The following OR2J2 variants were observed in gnomAD, a reference collection of about 807,000 sequenced individuals.
OR2J2 encodes olfactory receptor 2J2.
A neutral mutation model predicts 16.9 loss-of-function variants in OR2J2; 13 were observed. The ratio of observed to expected loss-of-function variants is 0.77; its 90% CI spans 0.50 to 1.23. The LOEUF (loss-of-function observed/expected upper bound fraction) is 1.23. OR2J2 is among the 50% of genes most tolerant of loss of function. The pLI, the probability that OR2J2 is intolerant of heterozygous loss-of-function variation, is 0.00. For synonymous variants in OR2J2, 125 were observed against 141.2 expected (o/e 0.89, Z 0.81); for missense variants, 341 against 379.1 (o/e 0.90, Z 0.84).
Position 29,174,213 on chromosome 6 carries a change from C to T in OR2J2, c.578C>T (p.Thr193Ile), listed in dbSNP as rs1349396861. The part of the protein sequence containing the change: ...PALLRLSCVD[T>I]HANELTLMVM... ...CTTCTGCGTTTATCATGTGTTGACA[C>T]CCATGCAAATGAGCTGACCCTCATG... is the stretch of plus-strand genomic sequence containing the variant. Residue 193 changes from threonine to isoleucine, a missense_variant, in exon 2 of 2, where the codon ACC (threonine) becomes ATC (isoleucine). Transcript: ENST00000641417. 1.2e-6 allele frequency: 2 copies of T among 1,613,676 alleles called. No individual in the cohort carries two copies. Among genetic ancestry groups the T allele is most frequent in the Admixed American group, 3.3e-5 (2 of 59,904 alleles).
At position 29,174,526 on chromosome 6, in the gene OR2J2, T is replaced by A; in HGVS notation, c.891T>A (p.His297Gln). 1 of 1,613,600 alleles carries A rather than the reference T, an allele frequency of 6.2e-7. No individual in the cohort carries two copies. The highest frequency in any genetic ancestry group is 1.3e-5 in the African/African-American group (1 of 74,962). Reference sequence around the variant, plus strand: ...TAATCTACACTCTCAGAAACAAGCATGTAAAAGGGGCAGCGAAGAGACTAT... The same window carrying A: ...TAATCTACACTCTCAGAAACAAGCAAGTAAAAGGGGCAGCGAAGAGACTAT... ...NPLIYTLRNK[H>Q]VKGAAKRLLG... is the part of the protein sequence containing the mutation. The change falls in exon 2 of 2, where the codon CAT becomes CAA. Residue 297 changes from histidine to glutamine, a missense_variant. By Grantham distance (24) the His-to-Gln change is conservative. Transcript: ENST00000641417.
rs1765774847 is a variant in OR2J2 at position 29,175,112 on chromosome 6, C to T, written c.*538C>T. 1 of 152,362 alleles carries T rather than the reference C, an allele frequency of 6.6e-6. No individual in the cohort carries two copies. Among genetic ancestry groups the T allele is most frequent in the Admixed American group, 6.6e-5 (1 of 15,266 alleles). The allele number at this position is 152,362 out of a possible 1,614,324, so 9.4% of individuals were successfully genotyped here. ...GGTTGAAAGACACTTTTTAAAGACACTAAATTATCTAATTTATCCTGTAGG... is the reference window on the plus strand; with the variant it reads ...GGTTGAAAGACACTTTTTAAAGACATTAAATTATCTAATTTATCCTGTAGG... On this transcript the variant is annotated 3_prime_UTR_variant, in exon 2 of 2. Transcript: ENST00000641417.
chr6:29,171,456 A>T (rs1765480733), intron 1 of OR2J2, among the ~76,000 whole-genome samples: 1 of 152,014 alleles, frequency 6.6e-6, no homozygotes, highest in Non-Finnish European at 1.5e-5. Flanking sequence ...TATTTGATTT[A>T]AAAAAAGAGA....
chr6:29,171,295 C>T (rs1765471210), intron 1 of OR2J2, among the ~76,000 whole-genome samples, 190 bp downstream of exon 1: 4 of 151,742 alleles, frequency 2.6e-5, no homozygotes, highest in Admixed American at 2.0e-4. Context: ...CAGTGTACTC[C>T]ATAAATATAT....
chr6:29,173,981 C>G lies in OR2J2; in HGVS notation c.346C>G (p.Leu116Val). The G allele has an allele frequency of 6.2e-7, 1 of 1,612,494 alleles. No individual in the cohort carries two copies. The highest frequency in any genetic ancestry group is 8.5e-7 in the Non-Finnish European group (1 of 1,179,632). ...ACTGGGAATCACAGAGTGTGTCCTA[C>G]TGGTGGTGATGTCATATGATCGTTA... ...LALGITECVLLVVMSYDRYVA... is the reference protein window; with the variant it reads ...LALGITECVLVVVMSYDRYVA... Residue 116 changes from leucine to valine, a missense_variant, in exon 2 of 2, where the codon CTG becomes GTG. Coordinates refer to ENST00000641417, the MANE Select transcript of OR2J2 (RefSeq NM_030905.3).
In OR2J2 at chr6:29,174,287, A is replaced by C. The variant is rs3130743; in HGVS notation, c.652A>C (p.Thr218Pro). 6 of 1,612,786 alleles carry C rather than the reference A, an allele frequency of 3.7e-6. No individual in the cohort carries two copies. The East Asian group carries it at 1.1e-4, about 30-fold the overall frequency. The change falls in exon 2 of 2, where the codon ACC (threonine) becomes CCC (proline). Residue 218 changes from threonine to proline, a missense_variant. Thr to Pro is a conservative substitution (Grantham distance 38). Coordinates refer to ENST00000641417, the MANE Select transcript of OR2J2 (RefSeq NM_030905.3). Reference sequence around the variant, plus strand: ...CATACCTCTCATTCTCATTCTCACTACCTATGGTGCCATTGCCCGGGCTGT... The same window carrying C: ...CATACCTCTCATTCTCATTCTCACTCCCTATGGTGCCATTGCCCGGGCTGT... ...VLIPLILILT[T>P]YGAIARAVLS...
At position 29,174,448 on chromosome 6, in the gene OR2J2, G is replaced by A. The variant is rs1158451806; in HGVS notation, c.813G>A (p.Gln271=). 2 of 1,613,934 alleles carry A rather than the reference G, an allele frequency of 1.2e-6. No homozygotes were observed. Among genetic ancestry groups the A allele is most frequent in the South Asian group, 1.1e-5 (1 of 91,082 alleles). ...LQPPSENSPD[Q]GKFIALFYTV... ...CACCATCAGAAAATTCTCCTGATCA[G>A]GGCAAGTTCATTGCCCTCTTTTATA... The change falls in exon 2 of 2, where the codon CAG becomes CAA. Residue 271 remains glutamine, a synonymous_variant. Coordinates refer to ENST00000641417, the MANE Select transcript of OR2J2 (RefSeq NM_030905.3).
At chr6:29,172,657 ATTAG>A (rs1229915431) in intron 1 of OR2J2, among the ~76,000 whole-genome samples, 1 of 152,156 alleles carries the variant, frequency 6.6e-6, no homozygotes, top group Non-Finnish European at 1.5e-5. Context: ...TTCTACTAAT[ATTAG>A]TTAATGTCTG....
intron 1 of OR2J2, among the ~76,000 whole-genome samples, chr6:29,172,121 C>T (rs1765525094): frequency 2.0e-5 from 3 of 152,070 alleles, no homozygotes; most frequent in Admixed American, 6.6e-5. Context: ...GGCATGATCT[C>T]AGCTCACTGC....
intron 1 of OR2J2, among the ~76,000 whole-genome samples, chr6:29,172,729 A>C (rs1765569278): frequency 6.6e-6 from 1 of 152,156 alleles, no homozygotes; most frequent in Non-Finnish European, 1.5e-5. Context: ...ATAAATTGTG[A>C]CTCAGAATTT....
At position 29,171,049 on chromosome 6, in the gene OR2J2, C is replaced by A. The variant is rs1765457201; in HGVS notation, c.-74C>A. 6.6e-6 allele frequency: 1 copy of A among 151,950 alleles called. No individual in the cohort carries two copies. 9.4% of individuals were successfully genotyped at this position (151,950 alleles called of 1,614,324 possible). ...AGAGAGCCCCTTCATCAGTTTATAC[C>A]TGATGAGGTTGTAGGCCAGGTAGAG... On this transcript the variant is annotated 5_prime_UTR_variant, in exon 1 of 2. In the 5' UTR this introduces an upstream ATG that the reference lacks. Coordinates refer to ENST00000641417, the MANE Select transcript of OR2J2 (RefSeq NM_030905.3).
At chr6:29,172,753 G>T (rs1466893048) in intron 1 of OR2J2, among the ~76,000 whole-genome samples, 1 of 152,108 alleles carries the variant, frequency 6.6e-6, no homozygotes, top group Non-Finnish European at 1.5e-5. Context: ...GTATAGTTCA[G>T]TTATTGGCCT....
In OR2J2 at chr6:29,174,382, ATC is replaced by A. The variant is rs1189393250; in HGVS notation, c.753_754del (p.Phe253HisfsTer17). 6.2e-7 allele frequency: 1 copy of A among 1,613,768 alleles called. No individual in the cohort carries two copies. The highest frequency in any genetic ancestry group is 8.5e-7 in the Non-Finnish European group (1 of 1,179,974). ...RTCGAHLMVVSLFFIPVMCMY... is the reference protein window; with the variant it reads ...RTCGAHLMVVXLFFIPVMCMY... ...CATGTGGAGCCCATCTTATGGTTGT[ATC>A]TCTCTTTTTCATTCCAGTCATGTGC... On this transcript the variant is annotated frameshift_variant, in exon 2 of 2. Transcript: ENST00000641417. LOFTEE classifies it high-confidence loss of function.
In OR2J2 at chr6:29,174,024, CT is replaced by C; in HGVS notation, c.392del (p.Leu131CysfsTer21). 6.2e-7 allele frequency: 1 copy of C among 1,613,062 alleles called. No homozygotes were observed. Among genetic ancestry groups the C allele is most frequent in the Non-Finnish European group, 8.5e-7 (1 of 1,179,724 alleles). On this transcript the variant is annotated frameshift_variant, in exon 2 of 2. Coordinates refer to ENST00000641417, the MANE Select transcript of OR2J2 (RefSeq NM_030905.3). LOFTEE classifies it high-confidence loss of function. ...SYDRYVAVCR[P>X]LHYTVLMHPR... ...GATCGTTATGTAGCTGTGTGTAGAC[CT>C]TTGCATTACACTGTCCTCATGCACC...
chr6:29,173,358 T>C, intron 1 of OR2J2: 1 of 347,462 alleles, frequency 2.9e-6, no homozygotes, highest in Non-Finnish European at 5.1e-6. Flanking sequence ...GTGTTCCTGA[T>C]TATGGACTAT....
Position 29,174,612 on chromosome 6 carries a change from A to G in OR2J2, c.*38A>G. 1 of 1,514,722 alleles carries G rather than the reference A, an allele frequency of 6.6e-7. No homozygotes were observed. Among genetic ancestry groups the G allele is most frequent in the Non-Finnish European group, 8.9e-7 (1 of 1,122,826 alleles). The allele number at this position is 1,514,722 out of a possible 1,614,324, so 93.8% of individuals were successfully genotyped here. Reference sequence around the variant, plus strand: ...GTTGTCTGTTGTCATTGTTTTTCCTAGGGTCTTAGCCATCTTGAAAGGTGG... The same window carrying G: ...GTTGTCTGTTGTCATTGTTTTTCCTGGGGTCTTAGCCATCTTGAAAGGTGG... On this transcript the variant is annotated 3_prime_UTR_variant, in exon 2 of 2. Transcript: ENST00000641417.
Position 29,173,512 on chromosome 6 carries a change from A to T in OR2J2, c.-17-107A>T, listed in dbSNP as rs748446669. 3.1e-5 allele frequency: 21 copies of T among 686,540 alleles called. No homozygotes were observed. The African/African-American group carries it at 3.8e-4, about 12-fold the overall frequency. The allele number at this position is 686,540 out of a possible 1,614,324, so 42.5% of individuals were successfully genotyped here. On this transcript the variant is annotated intron_variant, in intron 1 of 1. Coordinates refer to ENST00000641417, the MANE Select transcript of OR2J2 (RefSeq NM_030905.3). ...ACTGTATAAAAATTCTACTACCATT[A>T]TGGTGCACACTCTCTGGAAGTGGGA... is the stretch of plus-strand genomic sequence containing the variant.
At chr6:29,171,461 A>G (rs1363530752) in intron 1 of OR2J2, among the ~76,000 whole-genome samples, 1 of 152,116 alleles carries the variant, frequency 6.6e-6, no homozygotes, top group Non-Finnish European at 1.5e-5. Context: ...GATTTAAAAA[A>G]AGAGAGAAGA....
chr6:29,171,822 T>C (rs1765504343), intron 1 of OR2J2, among the ~76,000 whole-genome samples: 1 of 152,082 alleles, frequency 6.6e-6, no homozygotes, highest in Admixed American at 6.6e-5. Context: ...CTTGGAATTT[T>C]CCCATGATTT....
Sources: gnomAD v4.1 joint callset for allele counts (sites outside exome capture counted in the v4.1 genomes callset) on GRCh38, gnomAD v4.1.1 for gene constraint, MANE v1.5 for transcripts, NCBI Gene and HGNC (gene_info 2026-07-23, HGNC 2026-07-21) for gene names.